Variants in CABCOCO1 observed in about 807,000 individuals in gnomAD.
The protein encoded by CABCOCO1 is ciliary-associated calcium-binding coiled-coil protein 1.
CABCOCO1 carries 28 observed loss-of-function variants against 35.7 expected under a neutral mutation model. The observed-to-expected ratio is 0.78, with a 90% CI of 0.58 to 1.07. The LOEUF (loss-of-function observed/expected upper bound fraction) is 1.07. Among genes scored for constraint, CABCOCO1 ranks in the 50% least tolerant of loss-of-function variants. CABCOCO1 has a pLI of 0.00. For synonymous variants in CABCOCO1, 95 were observed against 100.1 expected (o/e 0.95, Z 0.30); for missense variants, 326 against 309.2 (o/e 1.05, Z -0.41).
At chr10:61,683,564 A>G (rs762815397) in intron 3 of CABCOCO1, among the ~76,000 whole-genome samples, 3 of 152,148 alleles carry the variant, frequency 2.0e-5, no homozygotes, top group Non-Finnish European at 4.4e-5. Context: ...CTGTCTCCAA[A>G]AATAAATAAA....
At chr10:61,754,254 C>T (rs1214081961) in intron 5 of CABCOCO1, among the ~76,000 whole-genome samples, 2 of 152,086 alleles carry the variant, frequency 1.3e-5, no homozygotes, top group East Asian at 3.9e-4. Flanking sequence ...AGGAATAGAG[C>T]CAAGTCTAAA....
intron 1 of CABCOCO1, among the ~76,000 whole-genome samples, chr10:61,670,156 C>T (rs1839313221): frequency 6.6e-6 from 1 of 151,910 alleles, no homozygotes; most frequent in South Asian, 2.1e-4. Context: ...ATGACTGTCC[C>T]TGAGGAATTT....
chr10:61,678,786 G>T (rs1342640574), intron 2 of CABCOCO1, among the ~76,000 whole-genome samples: 1 of 151,986 alleles, frequency 6.6e-6, no homozygotes, highest in African/African-American at 2.4e-5. Flanking sequence ...TTAGGAGCAG[G>T]CCCATCATAG....
intron 5 of CABCOCO1, among the ~76,000 whole-genome samples, chr10:61,693,730 C>T (rs1840218349): frequency 6.6e-6 from 1 of 151,998 alleles, no homozygotes. Context: ...GTCTTCTAAC[C>T]CTAACTTCTC....
intron 5 of CABCOCO1, among the ~76,000 whole-genome samples, chr10:61,744,786 A>G (rs1841621875): frequency 6.6e-6 from 1 of 152,198 alleles, no homozygotes; most frequent in South Asian, 2.1e-4. Flanking sequence ...TACCTAAGAA[A>G]AATGGCAAAC....
chr10:61,708,502 A>G (rs1455328139), intron 5 of CABCOCO1, among the ~76,000 whole-genome samples: 1 of 152,116 alleles, frequency 6.6e-6, no homozygotes, highest in Non-Finnish European at 1.5e-5. Flanking sequence ...AGACTGGTAA[A>G]TCCAAGATAA....
intron 3 of CABCOCO1, among the ~76,000 whole-genome samples, chr10:61,681,683 A>G (rs915434871): frequency 6.6e-6 from 1 of 152,164 alleles, no homozygotes; most frequent in African/African-American, 2.4e-5. Context: ...AAAATAGAAT[A>G]TTAGGCAGCT....
intron 5 of CABCOCO1, among the ~76,000 whole-genome samples, chr10:61,703,007 T>C (rs1427207371): frequency 6.6e-6 from 1 of 151,862 alleles, no homozygotes; most frequent in East Asian, 1.9e-4. Flanking sequence ...AAGGGGGATG[T>C]GGTAGAGGGA....
rs57540074 is a variant in CABCOCO1 at position 61,751,213 on chromosome 10, CTTTTTTTT to C, written c.553-8830_553-8823del. Among the ~76,000 whole-genome samples the C allele has an allele frequency of 4.9e-4, 52 of 106,508 alleles. No individual in the cohort carries two copies. The East Asian group carries it at 6.7e-3, about 14-fold the overall frequency. The allele number at this position is 106,508 out of a possible 152,430, so 69.9% of individuals were successfully genotyped here. ...TCGCTCTGCTTTGCTTTGCCTTGCT[CTTTTTTTT>C]TTTTTTTTTTTTTTTCATATAACAA... On this transcript the variant is annotated intron_variant, in intron 5 of 7. Transcript: ENST00000648843.
intron 5 of CABCOCO1, among the ~76,000 whole-genome samples, chr10:61,706,084 T>G (rs16916519): frequency 0.079 from 12,063 of 152,272 alleles, 507 homozygotes; most frequent in African/African-American, 0.1. Flanking sequence ...AAACATGCAC[T>G]CTAAAAGAAT....
chr10:61,716,635 G>A (rs1329178452), intron 5 of CABCOCO1, among the ~76,000 whole-genome samples: 1 of 151,652 alleles, frequency 6.6e-6, no homozygotes, highest in African/African-American at 2.4e-5. Context: ...ACCTTTCTTG[G>A]GGCACTTTTA....
intron 5 of CABCOCO1, among the ~76,000 whole-genome samples, chr10:61,713,707 G>A (rs944407485): frequency 6.6e-6 from 1 of 152,118 alleles, no homozygotes; most frequent in Non-Finnish European, 1.5e-5. Context: ...TTTATTGAGA[G>A]TATTTAGCAT....
chr10:61,688,459 C>T (rs1192272282), intron 4 of CABCOCO1, among the ~76,000 whole-genome samples: 1 of 152,096 alleles, frequency 6.6e-6, no homozygotes, highest in African/African-American at 2.4e-5. Flanking sequence ...AAATTTCCTC[C>T]CCCACATGAC....
chr10:61,725,237 T>G (rs912718396), intron 5 of CABCOCO1, among the ~76,000 whole-genome samples: 1 of 152,144 alleles, frequency 6.6e-6, no homozygotes, highest in African/African-American at 2.4e-5. Flanking sequence ...AATACCATTT[T>G]ACCCAGCCAT....
At chr10:61,690,066 T>TAA (rs1335789200) in intron 4 of CABCOCO1, among the ~76,000 whole-genome samples, 1 of 152,154 alleles carries the variant, frequency 6.6e-6, no homozygotes, top group Non-Finnish European at 1.5e-5. Flanking sequence ...TTTCAGGTAT[T>TAA]ATTATAGATT....
chr10:61,674,049 CTTAAT>C (rs1313071658), intron 2 of CABCOCO1, among the ~76,000 whole-genome samples: 1 of 151,984 alleles, frequency 6.6e-6, no homozygotes, highest in Admixed American at 6.6e-5. Flanking sequence ...TTATACAGTT[CTTAAT>C]TTATTTATAT....
intron 1 of CABCOCO1, among the ~76,000 whole-genome samples, chr10:61,665,078 TAA>T (rs1236907284): frequency 2.0e-5 from 3 of 152,210 alleles, no homozygotes; most frequent in Non-Finnish European, 4.4e-5. Context: ...CTGTCAGAAA[TAA>T]ATCATAAGCT....
intron 2 of CABCOCO1, among the ~76,000 whole-genome samples, chr10:61,674,988 A>G (rs1839466974): frequency 6.6e-6 from 1 of 152,174 alleles, no homozygotes; most frequent in Non-Finnish European, 1.5e-5. Context: ...TCCATGAGCT[A>G]TTTAGCTCTT....
intron 7 of CABCOCO1, among the ~76,000 whole-genome samples, chr10:61,762,899 C>G (rs1842035820): frequency 6.6e-6 from 1 of 151,996 alleles, no homozygotes; most frequent in South Asian, 2.1e-4. Context: ...GGTCAAATTC[C>G]AAGTTGGGTA....
Sources: allele counts gnomAD v4.1 joint callset (sites outside exome capture counted in the v4.1 genomes callset), GRCh38; gene constraint gnomAD v4.1.1; transcripts MANE v1.5; gene names NCBI Gene and HGNC (gene_info 2026-07-23, HGNC 2026-07-21).